LIMA1: variants seen among roughly 807,000 people sequenced by gnomAD.
LIMA1 encodes LIM domain and actin-binding protein 1.
In LIMA1, 52 loss-of-function variants were observed where a neutral mutation model predicts 62.6. That is an observed-to-expected ratio of 0.83 (90% CI 0.67 to 1.05). The LOEUF is 1.05. Ranked by LOEUF, LIMA1 falls within the 50% of genes least tolerant of loss-of-function variation. The pLI is 0.00. For missense variants in LIMA1, 780 were observed against 902.2 expected (o/e 0.86, Z 1.74); for synonymous variants, 302 against 317.8 (o/e 0.95, Z 0.53).
chr12:50,208,992 C>CTTTTTTTTT (rs34753640), intron 4 of LIMA1, among the ~76,000 whole-genome samples: 2 of 136,268 alleles, frequency 1.5e-5, no homozygotes, highest in African/African-American at 2.7e-5. Flanking sequence ...TTCTTTCTTT[C>CTTTTTTTTT]TTTTTTTTTT....
intron 1 of LIMA1, among the ~76,000 whole-genome samples, chr12:50,256,042 A>G (rs1009678482): frequency 3.1e-4 from 47 of 152,024 alleles, no homozygotes; most frequent in African/African-American, 9.6e-4. Context: ...GGCATGTGCC[A>G]CCACACTCGG....
At position 50,176,917 on chromosome 12, in the gene LIMA1, A is replaced by G. The variant is rs1940349189; in HGVS notation, c.*147T>C. 1 of 645,648 alleles carries G rather than the reference A, an allele frequency of 1.5e-6. No individual in the cohort carries two copies. Among genetic ancestry groups the G allele is most frequent in the African/African-American group, 1.9e-5 (1 of 53,570 alleles). The allele number at this position is 645,648 out of a possible 1,614,324, so 40.0% of individuals were successfully genotyped here. On this transcript the variant is annotated 3_prime_UTR_variant, in exon 11 of 11. Transcript: ENST00000341247. ...TTTGTGTTTTTTTGTTTTGTTTTTG[A>G]TTTTAAGAAGGAATTCTTTTCCAAA... is the stretch of plus-strand genomic sequence containing the variant.
intron 3 of LIMA1, chr12:50,230,131 T>C (rs565840856): frequency 6.6e-6 from 1 of 152,260 alleles, no homozygotes; most frequent in South Asian, 2.1e-4. Context: ...GCCTCCCGGG[T>C]TCAAGTGATT....
chr12:50,240,682 A>C (rs376233709), intron 2 of LIMA1, among the ~76,000 whole-genome samples: 4 of 152,250 alleles, frequency 2.6e-5, no homozygotes, highest in Admixed American at 2.6e-4. Context: ...ATGTTAACTA[A>C]AACATCCATT....
intron 1 of LIMA1, among the ~76,000 whole-genome samples, chr12:50,281,581 C>T (rs536431800): frequency 2.0e-5 from 3 of 152,160 alleles, no homozygotes; most frequent in Admixed American, 2.0e-4. Flanking sequence ...CTGTTCTCTT[C>T]CCAGGGACTA....
At chr12:50,267,231 G>A (rs566491890) in intron 1 of LIMA1, among the ~76,000 whole-genome samples, 43 of 152,022 alleles carry the variant, frequency 2.8e-4, no homozygotes, top group African/African-American at 1.0e-3. Context: ...CACAATGTCC[G>A]GCTAATTTTA....
At chr12:50,212,129 A>G (rs1281903050) in intron 4 of LIMA1, among the ~76,000 whole-genome samples, 1 of 152,176 alleles carries the variant, frequency 6.6e-6, no homozygotes, top group Non-Finnish European at 1.5e-5. Context: ...TTTTTTCTGT[A>G]TTTTTTAAAA....
intron 9 of LIMA1, 86 bp downstream of exon 9, chr12:50,192,366 A>C: frequency 1.0e-6 from 1 of 966,344 alleles, no homozygotes; most frequent in Non-Finnish European, 1.7e-6. Flanking sequence ...AAACCAGGTT[A>C]TAATCAACAT....
In LIMA1 at chr12:50,222,104, C is replaced by T. The variant is rs2138556444; in HGVS notation, c.547G>A (p.Ala183Thr). Residue 183 changes from alanine to threonine, a missense_variant, in exon 4 of 11, where the codon GCT (alanine) becomes ACT (threonine). Coordinates refer to ENST00000341247, the MANE Select transcript of LIMA1 (RefSeq NM_016357.5). ...EKSEISENTD[A>T]SGKIEKYNVP... Reference sequence around the variant, plus strand: ...TTATATTTCTCTATTTTGCCCGAAGCATCTGTGTTTTCACTGATTTCTGAT... The same window carrying T: ...TTATATTTCTCTATTTTGCCCGAAGTATCTGTGTTTTCACTGATTTCTGAT... 6.2e-7 allele frequency: 1 copy of T among 1,614,202 alleles called. No homozygotes were observed. Among genetic ancestry groups the T allele is most frequent in the Non-Finnish European group, 8.5e-7 (1 of 1,180,034 alleles).
chr12:50,237,701 C>A (rs1941715977), intron 2 of LIMA1, among the ~76,000 whole-genome samples: 1 of 151,994 alleles, frequency 6.6e-6, no homozygotes, highest in South Asian at 2.1e-4. Context: ...TATTTTACCA[C>A]AGTTAAAACA....
chr12:50,227,237 CT>C (rs199650468), intron 3 of LIMA1, among the ~76,000 whole-genome samples: 24 of 124,004 alleles, frequency 1.9e-4, no homozygotes, highest in African/African-American at 2.5e-4. Context: ...TTTTTCTTTT[CT>C]TTTTTTTTTT....
At chr12:50,211,832 A>C (rs1453859259) in intron 4 of LIMA1, among the ~76,000 whole-genome samples, 1 of 151,932 alleles carries the variant, frequency 6.6e-6, no homozygotes, top group Non-Finnish European at 1.5e-5. Context: ...ATACCAAAAT[A>C]CTCTTCTGTA....
intron 10 of LIMA1, 120 bp downstream of exon 10, chr12:50,181,784 T>C: frequency 9.3e-7 from 1 of 1,070,850 alleles, no homozygotes; most frequent in Non-Finnish European, 1.4e-6. Context: ...TTTTACTTTA[T>C]TCAAGAGCCT....
At chr12:50,195,713 C>T in intron 8 of LIMA1, 117 bp downstream of exon 8, 1 of 1,001,786 alleles carries the variant, frequency 1.0e-6, no homozygotes, top group Non-Finnish European at 1.4e-6. Context: ...CCCTTAAATT[C>T]AAGTAGAGGA....
intron 1 of LIMA1, among the ~76,000 whole-genome samples, chr12:50,277,842 G>A (rs1339126101): frequency 6.6e-6 from 1 of 152,134 alleles, no homozygotes; most frequent in Non-Finnish European, 1.5e-5. Context: ...AAATGTTAAC[G>A]CCCAAATAAA....
intron 4 of LIMA1, among the ~76,000 whole-genome samples, chr12:50,221,690 C>A (rs1447485307): frequency 6.6e-6 from 1 of 152,152 alleles, no homozygotes; most frequent in Admixed American, 6.5e-5. Context: ...TAATTCCACC[C>A]CCAAAGCTAC....
chr12:50,234,153 T>C (rs561163545), intron 2 of LIMA1: 15 of 461,560 alleles, frequency 3.2e-5, no homozygotes, highest in African/African-American at 8.2e-5. Flanking sequence ...AAAGACTAAG[T>C]GGTCCGGAGA....
rs550347743 is a variant in LIMA1, at chr12:50,240,056, C to CATAACATAACATAACATAACATAAA, written c.120-8347_120-8346insTTTATGTTATGTTATGTTATGTTAT. Among the ~76,000 whole-genome samples, 13 of 113,290 alleles carry CATAACATAACATAACATAACATAAA rather than the reference C, an allele frequency of 1.1e-4. No individual in the cohort carries two copies. The South Asian group carries it at 1.2e-3, about 10-fold the overall frequency. 74.3% of individuals were successfully genotyped at this position (113,290 alleles called of 152,430 possible). ...CATAACATAACATAACATAACATAACATAAAATAAAAAATTTTTAAAAGGA... is the reference window on the plus strand; with the variant it reads ...CATAACATAACATAACATAACATAACATAACATAACATAACATAACATAAAATAAAATAAAAAATTTTTAAAAGGA... On this transcript the variant is annotated intron_variant, in intron 2 of 10. Coordinates refer to ENST00000341247, the MANE Select transcript of LIMA1 (RefSeq NM_016357.5).
At chr12:50,275,603 T>A (rs1008983483) in intron 1 of LIMA1, among the ~76,000 whole-genome samples, 5 of 152,154 alleles carry the variant, frequency 3.3e-5, no homozygotes, top group South Asian at 4.1e-4. Flanking sequence ...GGCTTTTTTT[T>A]ATTAAAAAAA....
Sources: allele counts gnomAD v4.1 joint callset (sites outside exome capture counted in the v4.1 genomes callset), GRCh38; gene constraint gnomAD v4.1.1; transcripts MANE v1.5; gene names NCBI Gene and HGNC (gene_info 2026-07-23, HGNC 2026-07-21).